Variants in MUCL1 observed in about 807,000 individuals in gnomAD.
MUCL1 encodes the protein mucin-like protein 1.
In MUCL1, 11 loss-of-function variants were observed where a neutral mutation model predicts 9.2. The ratio of observed to expected loss-of-function variants is 1.19; its 90% confidence interval spans 0.75 to 1.97. The LOEUF is 1.97. Ranked by LOEUF, MUCL1 falls within the 30% of genes most tolerant of loss-of-function variation. The pLI, the probability that MUCL1 is intolerant of heterozygous loss-of-function variation, is 0.00. For synonymous variants in MUCL1, 48 were observed against 40.5 expected, an observed-to-expected ratio of 1.19 and a Z score of -0.71; for missense variants, 144 against 110.9, an observed-to-expected ratio of 1.30 and a Z score of -1.34.
intron 1 of MUCL1, among the ~76,000 whole-genome samples, chr12:54,843,372 A>G (rs1415188343): frequency 1.3e-5 from 2 of 152,206 alleles, no homozygotes; most frequent in African/African-American, 2.4e-5. Flanking sequence ...AGATAATCCT[A>G]TGATTTTTAA....
intron 1 of MUCL1, among the ~76,000 whole-genome samples, chr12:54,833,971 TA>T (rs11476066): frequency 0.39 from 58,742 of 151,728 alleles, 12,535 homozygotes; most frequent in East Asian, 0.83. Context: ...TAAAGTATAA[TA>T]AAAAAAAGTC....
intron 1 of MUCL1, among the ~76,000 whole-genome samples, chr12:54,848,712 T>A (rs1959292504): frequency 6.6e-6 from 1 of 152,188 alleles, no homozygotes; most frequent in Non-Finnish European, 1.5e-5. Flanking sequence ...CAAGTTAACA[T>A]AACAAATATT....
chr12:54,843,578 C>T (rs1959224751), intron 1 of MUCL1, among the ~76,000 whole-genome samples: 1 of 152,158 alleles, frequency 6.6e-6, no homozygotes, highest in African/African-American at 2.4e-5. Flanking sequence ...CAGGTAGGCA[C>T]AGTGTAATCG....
chr12:54,856,668 A>C, intron 2 of MUCL1, 102 bp from the exon 3 acceptor site: 1 of 1,445,000 alleles, frequency 6.9e-7, no homozygotes, highest in Non-Finnish European at 9.4e-7. Flanking sequence ...ACAGATTTGC[A>C]GAGATGAATT....
chr12:54,832,712 G>T (rs1330975955), intron 1 of MUCL1, among the ~76,000 whole-genome samples: 1 of 151,912 alleles, frequency 6.6e-6, no homozygotes, highest in African/African-American at 2.4e-5. Context: ...ATACCCAAGA[G>T]AATTTTTCTT....
chr12:54,839,582 G>A (rs563780196), intron 1 of MUCL1: 16 of 683,034 alleles, frequency 2.3e-5, no homozygotes, highest in African/African-American at 3.5e-5. Flanking sequence ...CTGTCAAGTC[G>A]CAGGAAAATG....
At chr12:54,854,387 G>A, upstream of MUCL1, 2 of 554,618 alleles carry the variant, frequency 3.6e-6, no homozygotes, top group South Asian at 2.5e-5. Context: ...AGGGCCCCTG[G>A]CTGTGTTGTT....
At chr12:54,837,270 G>T (rs555492403), upstream of MUCL1, among the ~76,000 whole-genome samples, 1 of 151,958 alleles carries the variant, frequency 6.6e-6, no homozygotes, top group Non-Finnish European at 1.5e-5. Context: ...TCCAGAGTTA[G>T]GTGCAATATA....
At chr12:54,840,279 C>T (rs1367015098) in intron 1 of MUCL1, among the ~76,000 whole-genome samples, 1 of 152,200 alleles carries the variant, frequency 6.6e-6, no homozygotes, top group Non-Finnish European at 1.5e-5. Context: ...AGTGTGTTGG[C>T]TTTCTCAAAT....
chr12:54,854,933 A>G (rs1237814403), intron 1 of MUCL1, among the ~76,000 whole-genome samples, 183 bp from the exon 2 acceptor site: 2 of 152,146 alleles, frequency 1.3e-5, no homozygotes, highest in Non-Finnish European at 2.9e-5. Context: ...ATGACCACAT[A>G]TTAGGTTTTT....
chr12:54,836,889 T>A (rs1959193691), upstream of MUCL1, among the ~76,000 whole-genome samples: 1 of 152,216 alleles, frequency 6.6e-6, no homozygotes, highest in South Asian at 2.1e-4. Flanking sequence ...TTTGTATAGT[T>A]TTGAGGGTTC....
At chr12:54,837,577 A>G (rs910487563), upstream of MUCL1, among the ~76,000 whole-genome samples, 1 of 152,102 alleles carries the variant, frequency 6.6e-6, no homozygotes, top group Non-Finnish European at 1.5e-5. Context: ...CATCCTGACT[A>G]ACATGGAGAA....
Position 54,856,878 on chromosome 12 carries a change from G to A in MUCL1, c.209G>A (p.Arg70His), listed in dbSNP as rs200116983. ...ACCACCGCTGCTTCTACCACTGCTC[G>A]TAAAGACATTCCAGGTAGCAAGACT... ...TATTAASTTA[R>H]KDIPVLPKWV... The change falls in exon 3 of 4, where the codon CGT becomes CAT. Residue 70 changes from arginine (R) to histidine (H), a missense_variant. Transcript: ENST00000308796. 225 of 1,613,670 alleles carry A rather than the reference G, an allele frequency of 1.4e-4. 3 individuals carry two copies. The highest frequency in any genetic ancestry group is 9.5e-4 in the Admixed American group (57 of 59,946).
chr12:54,837,596 T>A (rs1412105578), upstream of MUCL1, among the ~76,000 whole-genome samples: 1 of 151,882 alleles, frequency 6.6e-6, no homozygotes, highest in Non-Finnish European at 1.5e-5. Flanking sequence ...AAAACCTGTC[T>A]CTACTAAAAA....
At chr12:54,853,535 C>T (rs1015666857), upstream of MUCL1, among the ~76,000 whole-genome samples, 1 of 152,166 alleles carries the variant, frequency 6.6e-6, no homozygotes, top group African/African-American at 2.4e-5. Flanking sequence ...AAATATACCA[C>T]GTTGTTGATT....
intron 1 of MUCL1, among the ~76,000 whole-genome samples, chr12:54,834,309 A>G (rs1170601699): frequency 6.6e-6 from 1 of 152,030 alleles, no homozygotes; most frequent in East Asian, 1.9e-4. Context: ...TCTTGAATTT[A>G]CCTATCAGCA....
chr12:54,850,930 A>T (rs1207442832), upstream of MUCL1, among the ~76,000 whole-genome samples: 1 of 152,064 alleles, frequency 6.6e-6, no homozygotes, highest in East Asian at 1.9e-4. Context: ...GCATTTTTTC[A>T]TGCGTTTTTT....
Position 54,856,226 on chromosome 12 carries a change from T to C in MUCL1, c.101-544T>C, listed in dbSNP as rs66590023. Among the ~76,000 whole-genome samples the C allele has an allele frequency of 9.7e-3, 1,474 of 152,232 alleles. 9 individuals carry two copies. The highest frequency in any genetic ancestry group is 0.014 in the Non-Finnish European group (982 of 68,008). ...GCTGCCACAGAGGGTGAGACAAATA[T>C]GGCTCTTTTCATTCTAGAACCTGAT... On this transcript the variant is annotated intron_variant, in intron 2 of 3. Transcript: ENST00000308796.
At chr12:54,845,605 C>A (rs185301346) in intron 1 of MUCL1, among the ~76,000 whole-genome samples, 1 of 152,158 alleles carries the variant, frequency 6.6e-6, no homozygotes, top group East Asian at 1.9e-4. Context: ...TCTGGGGTTA[C>A]CAGTAGGGTA....
Sources: gnomAD v4.1 joint callset for allele counts (sites outside exome capture counted in the v4.1 genomes callset) on GRCh38, gnomAD v4.1.1 for gene constraint, MANE v1.5 for transcripts, NCBI Gene and HGNC (gene_info 2026-07-23, HGNC 2026-07-21) for gene names.